The following PLEKHA1 variants were observed in gnomAD, a reference collection of about 807,000 sequenced individuals.
PLEKHA1 encodes pleckstrin homology domain containing A1, also known as pleckstrin homology domain-containing family A member 1.
PLEKHA1 carries 34 observed loss-of-function variants against 52.0 expected under a neutral mutation model. That is an observed-to-expected ratio of 0.65 (90% CI 0.50 to 0.87). The LOEUF is 0.87. Among genes scored for constraint, PLEKHA1 ranks in the 40% least tolerant of loss-of-function variants. The pLI, the probability that PLEKHA1 is intolerant of heterozygous loss-of-function variation, is 0.00. For synonymous variants in PLEKHA1, 163 were observed against 170.7 expected, an observed-to-expected ratio of 0.95 and a Z score of 0.35; for missense variants, 497 against 504.2, an observed-to-expected ratio of 0.99 and a Z score of 0.14.
At chr10:122,411,555 C>T (rs998081561) in intron 5 of PLEKHA1, among the ~76,000 whole-genome samples, 21 of 152,180 alleles carry the variant, frequency 1.4e-4, no homozygotes, top group Non-Finnish European at 2.9e-4. Context: ...GTTTATGAAA[C>T]TCCTGCCTCA....
intron 8 of PLEKHA1, 134 bp from the exon 9 acceptor site, chr10:122,424,065 A>T: frequency 8.4e-7 from 1 of 1,196,284 alleles, no homozygotes; most frequent in Non-Finnish European, 1.2e-6. Flanking sequence ...AAGAAGGTAG[A>T]TTTATTTCTG....
the PLEKHA1 span, chr10:122,442,421 T>G: frequency 6.6e-6 from 1 of 152,090 alleles, no homozygotes; most frequent in East Asian, 1.9e-4. Flanking sequence ...AAAATAAAAA[T>G]GATTTGTAAT....
chr10:122,411,204 A>C (rs2097101984), intron 5 of PLEKHA1, among the ~76,000 whole-genome samples: 1 of 152,130 alleles, frequency 6.6e-6, no homozygotes, highest in African/African-American at 2.4e-5. Context: ...GGATGAGGGC[A>C]TTGTAGTATG....
intron 11 of PLEKHA1, chr10:122,428,252 T>C: frequency 6.6e-7 from 1 of 1,521,258 alleles, no homozygotes; most frequent in Non-Finnish European, 8.8e-7. Context: ...TTAACTCTAA[T>C]CTTAGCTTTG....
In PLEKHA1 at chr10:122,406,559, T is replaced by C. The variant is rs899520282; in HGVS notation, c.245-17T>C. On this transcript the variant is annotated splice_polypyrimidine_tract_variant and intron_variant, in intron 4 of 11. Transcript: ENST00000368990. The stretch of plus-strand genomic sequence containing the variant: ...AATAAGTACAATATTTGGTGTGTTA[T>C]TTTTTTCTGTCAACAGTTATGAATG... The C allele has an allele frequency of 6.3e-7, 1 of 1,584,808 alleles. No individual in the cohort carries two copies. The highest frequency in any genetic ancestry group is 8.7e-7 in the Non-Finnish European group (1 of 1,154,784).
chr10:122,442,399 G>A, the PLEKHA1 span: 4 of 150,984 alleles, frequency 2.6e-5, no homozygotes, highest in Admixed American at 2.6e-4. Flanking sequence ...ATCCATGTAA[G>A]CAAAAAGAAA....
intron 3 of PLEKHA1, 86 bp from the exon 4 acceptor site, chr10:122,400,257 A>T: frequency 1.0e-6 from 1 of 1,002,196 alleles, no homozygotes; most frequent in African/African-American, 1.7e-5. Flanking sequence ...TTGGGGAATC[A>T]TACATGTGGA....
In PLEKHA1 at chr10:122,424,006, A is replaced by G. The variant is rs1237074273; in HGVS notation, c.682-193A>G. On this transcript the variant is annotated intron_variant, in intron 8 of 11. Transcript: ENST00000368990. ...TGCAGTTTTTCTTGTTTCAAACAAC[A>G]GTGTATATAAGGTTATAGTGTTTGA... The G allele has an allele frequency of 7.6e-6, 5 of 660,380 alleles. No homozygotes were observed. In the African/African-American group the frequency reaches 9.5e-5, roughly 13 times the overall value. 40.9% of individuals were successfully genotyped at this position (660,380 alleles called of 1,614,324 possible).
intron 8 of PLEKHA1, chr10:122,420,443 A>G (rs1297207260): frequency 1.3e-5 from 2 of 152,146 alleles, no homozygotes; most frequent in Non-Finnish European, 2.9e-5. Flanking sequence ...TTGTTAACAC[A>G]TGGCTCAGCT....
At chr10:122,375,695 A>T (rs549290744) in intron 1 of PLEKHA1, among the ~76,000 whole-genome samples, 1 of 152,176 alleles carries the variant, frequency 6.6e-6, no homozygotes, top group Admixed American at 6.5e-5. Flanking sequence ...CAGAGCATCT[A>T]CCGTGGTCTG....
At chr10:122,407,295 A>G (rs774156225) in intron 5 of PLEKHA1, among the ~76,000 whole-genome samples, 2 of 152,034 alleles carry the variant, frequency 1.3e-5, no homozygotes, top group Non-Finnish European at 2.9e-5. Context: ...CCCATGCTAC[A>G]ATTTCTTGCT....
At chr10:122,375,486 A>T (rs2133404827) in intron 1 of PLEKHA1, among the ~76,000 whole-genome samples, 1 of 147,374 alleles carries the variant, frequency 6.8e-6, no homozygotes, top group East Asian at 1.9e-4. Flanking sequence ...CGGGGAGGCG[A>T]CCAGACCCAG....
At chr10:122,376,518 ATATATATATATAT>A (rs1565091193) in intron 1 of PLEKHA1, among the ~76,000 whole-genome samples, 2 of 43,556 alleles carry the variant, frequency 4.6e-5, no homozygotes, top group African/African-American at 1.2e-4. Context: ...ATATATATAT[ATATATATATATAT>A]ATAATATAAA....
intron 6 of PLEKHA1, among the ~76,000 whole-genome samples, chr10:122,414,423 A>G (rs1024784733): frequency 1.3e-5 from 2 of 152,100 alleles, no homozygotes; most frequent in African/African-American, 2.4e-5. Context: ...ATATATGTCT[A>G]TCATAAAAGG....
chr10:122,428,338 A>G (rs2097370055), intron 11 of PLEKHA1: 10 of 1,546,124 alleles, frequency 6.5e-6, no homozygotes, highest in Non-Finnish European at 8.7e-6. Context: ...GAGCTGGTGA[A>G]TGCAGCACGT....
intron 1 of PLEKHA1, chr10:122,387,924 A>G (rs1027194624): frequency 6.6e-6 from 1 of 152,068 alleles, no homozygotes; most frequent in Non-Finnish European, 1.5e-5. Flanking sequence ...TATTTGCTCT[A>G]CTCTTTCAAA....
Position 122,430,104 on chromosome 10 carries a change from A to C in PLEKHA1, c.*166A>C, listed in dbSNP as rs1300573104. 2.9e-6 allele frequency: 2 copies of C among 696,570 alleles called. No homozygotes were observed. Among genetic ancestry groups the C allele is most frequent in the Admixed American group, 3.6e-5 (1 of 27,590 alleles). The allele number at this position is 696,570 out of a possible 1,614,324, so 43.1% of individuals were successfully genotyped here. A position where few individuals can be genotyped will look rare whatever the true frequency, so the allele number is the denominator to read the frequency against. ...AAACCAAGAATCTAGGGAGTGGCCAAACTAAATATAATTTCTTTAAAAAAG... is the reference window on the plus strand; with the variant it reads ...AAACCAAGAATCTAGGGAGTGGCCACACTAAATATAATTTCTTTAAAAAAG... On this transcript the variant is annotated 3_prime_UTR_variant, in exon 12 of 12. Coordinates refer to ENST00000368990, the MANE Select transcript of PLEKHA1 (RefSeq NM_001001974.4).
chr10:122,428,501 C>T, intron 11 of PLEKHA1: 1 of 1,197,094 alleles, frequency 8.4e-7, no homozygotes, highest in Non-Finnish European at 1.1e-6. Context: ...CTGTAGTCAT[C>T]AGGTTGGATA....
intron 1 of PLEKHA1, among the ~76,000 whole-genome samples, chr10:122,391,333 A>G (rs752395346): frequency 6.6e-6 from 1 of 152,176 alleles, no homozygotes; most frequent in Non-Finnish European, 1.5e-5. Context: ...TTGGTATTAT[A>G]TCTAAGAATT....
Sources: gnomAD v4.1 joint callset for allele counts (sites outside exome capture counted in the v4.1 genomes callset) on GRCh38, gnomAD v4.1.1 for gene constraint, MANE v1.5 for transcripts, NCBI Gene and HGNC (gene_info 2026-07-23, HGNC 2026-07-21) for gene names.